The following GPC5 variants were observed in gnomAD, a reference collection of about 807,000 sequenced individuals.
GPC5 encodes glypican-5.
Under a neutral mutation model 53.9 loss-of-function variants are expected in GPC5, and 47 were observed. The observed-to-expected ratio is 0.87, with a 90% CI of 0.69 to 1.11. GPC5 has a LOEUF of 1.11. Among genes scored for constraint, GPC5 ranks in the 50% most tolerant of loss-of-function variants. The pLI, the probability that GPC5 is intolerant of heterozygous loss-of-function variation, is 0.00. For missense variants in GPC5, 748 were observed against 713.1 expected (o/e 1.05, Z -0.56); for synonymous variants, 286 against 263.3 (o/e 1.09, Z -0.84).
chr13:92,845,906 A>G (rs1878596716), intron 7 of GPC5, among the ~76,000 whole-genome samples: 1 of 152,176 alleles, frequency 6.6e-6, no homozygotes, highest in African/African-American at 2.4e-5. Flanking sequence ...TAACATTGTA[A>G]CCAAAATCAG....
At chr13:91,972,093 T>G (rs866645799) in intron 6 of GPC5, among the ~76,000 whole-genome samples, 3,545 of 152,092 alleles carry the variant, frequency 0.023, 133 homozygotes, top group African/African-American at 0.081. Context: ...ATTATTGTGT[T>G]GGAGTCTAAG....
chr13:91,892,498 A>C (rs960398326), intron 5 of GPC5, among the ~76,000 whole-genome samples: 1 of 151,708 alleles, frequency 6.6e-6, no homozygotes, highest in Admixed American at 6.6e-5. Flanking sequence ...TTCATTTTTG[A>C]TACACTTTAT....
At chr13:92,065,293 G>A (rs2041159301) in intron 6 of GPC5, among the ~76,000 whole-genome samples, 4 of 152,130 alleles carry the variant, frequency 2.6e-5, no homozygotes, top group Admixed American at 2.6e-4. Flanking sequence ...TCTGCAGAGA[G>A]CATAAATAAT....
At chr13:92,116,772 T>G (rs2041605104) in intron 6 of GPC5, among the ~76,000 whole-genome samples, 1 of 152,224 alleles carries the variant, frequency 6.6e-6, no homozygotes, top group Non-Finnish European at 1.5e-5. Context: ...TATCTCATTG[T>G]AATTTTAATT....
chr13:92,066,217 A>G (rs1221576742), intron 6 of GPC5, among the ~76,000 whole-genome samples: 1 of 152,058 alleles, frequency 6.6e-6, no homozygotes, highest in Non-Finnish European at 1.5e-5. Context: ...ATGCTAAAGG[A>G]CAAGGGCTGC....
At position 92,458,919 on chromosome 13, in the gene GPC5, C is replaced by T. The variant is rs142917862; in HGVS notation, c.1561+313930C>T. Among the ~76,000 whole-genome samples the T allele has an allele frequency of 2.4e-3, 362 of 152,230 alleles. 1 individual carries two copies. The highest frequency in any genetic ancestry group is 8.5e-3 in the African/African-American group (351 of 41,534). On this transcript the variant is annotated intron_variant, in intron 7 of 7. Transcript: ENST00000377067. ...TGCAACAATGCTTTTAAGCAACCCA[C>T]GTGCTTTGTGAGTGCCTACTTTGGA...
chr13:91,673,355 G>C (rs1278061025), intron 2 of GPC5, among the ~76,000 whole-genome samples: 1 of 152,078 alleles, frequency 6.6e-6, no homozygotes, highest in Non-Finnish European at 1.5e-5. Context: ...AAAAAATTTA[G>C]TTATTCTAGT....
chr13:91,968,389 G>A (rs562267633), intron 6 of GPC5, among the ~76,000 whole-genome samples: 2 of 152,092 alleles, frequency 1.3e-5, no homozygotes, highest in Non-Finnish European at 2.9e-5. Flanking sequence ...TATTTAAATT[G>A]CAACTCAACT....
At chr13:92,555,908 C>G (rs1349722411) in intron 7 of GPC5, among the ~76,000 whole-genome samples, 2 of 151,292 alleles carry the variant, frequency 1.3e-5, no homozygotes, top group South Asian at 2.1e-4. Flanking sequence ...AGTATTAACT[C>G]TGTAACATTA....
chr13:91,463,178 T>G (rs943706603), intron 2 of GPC5, among the ~76,000 whole-genome samples: 2 of 152,222 alleles, frequency 1.3e-5, no homozygotes, highest in East Asian at 1.9e-4. Flanking sequence ...CCCGTATACT[T>G]TAAATCATCT....
intron 2 of GPC5, among the ~76,000 whole-genome samples, chr13:91,588,027 T>C (rs934716352): frequency 1.3e-5 from 2 of 152,156 alleles, no homozygotes; most frequent in African/African-American, 4.8e-5. Flanking sequence ...TAGCTTCACA[T>C]TGAAACCACT....
intron 7 of GPC5, among the ~76,000 whole-genome samples, chr13:92,751,712 G>A (rs936854151): frequency 4.6e-5 from 7 of 151,560 alleles, no homozygotes; most frequent in Non-Finnish European, 7.4e-5. Context: ...AAACCTGCAC[G>A]TTGTGCACAT....
intron 6 of GPC5, among the ~76,000 whole-genome samples, chr13:92,060,485 C>T (rs887289116): frequency 6.6e-5 from 10 of 151,914 alleles, no homozygotes; most frequent in South Asian, 2.1e-4. Flanking sequence ...CTCAGAGAAA[C>T]GTATGTTGGT....
At chr13:92,489,295 C>A (rs971742394) in intron 7 of GPC5, among the ~76,000 whole-genome samples, 1 of 152,132 alleles carries the variant, frequency 6.6e-6, no homozygotes, top group Non-Finnish European at 1.5e-5. Context: ...TTAGTATGTG[C>A]AGGGCTATGT....
intron 7 of GPC5, among the ~76,000 whole-genome samples, chr13:92,663,727 A>T (rs118009579): frequency 1.6e-4 from 13 of 82,510 alleles, no homozygotes; most frequent in Non-Finnish European, 2.5e-4. Context: ...ATATCTACTA[A>T]ATATATCTAC....
chr13:92,861,700 G>A (rs375670999), intron 7 of GPC5, among the ~76,000 whole-genome samples: 1 of 151,928 alleles, frequency 6.6e-6, no homozygotes, highest in Non-Finnish European at 1.5e-5. Flanking sequence ...TGTACCAAAG[G>A]TTCTTTTCTT....
At chr13:91,999,341 A>C (rs1396457850) in intron 6 of GPC5, among the ~76,000 whole-genome samples, 1 of 152,156 alleles carries the variant, frequency 6.6e-6, no homozygotes, top group African/African-American at 2.4e-5. Context: ...AGGTAAAACT[A>C]TCTCTTCAAA....
chr13:91,678,378 A>G (rs533903543), intron 2 of GPC5, among the ~76,000 whole-genome samples: 1 of 152,332 alleles, frequency 6.6e-6, no homozygotes, highest in African/African-American at 2.4e-5. Flanking sequence ...ATGCATTTGT[A>G]TGATGGCTTG....
chr13:91,591,908 C>A (rs368370547), intron 2 of GPC5, among the ~76,000 whole-genome samples: 1 of 152,196 alleles, frequency 6.6e-6, no homozygotes, highest in Non-Finnish European at 1.5e-5. Context: ...AGCTTCCTTG[C>A]CATTCAGATT....
Sources: gnomAD v4.1 joint callset for allele counts (sites outside exome capture counted in the v4.1 genomes callset) on GRCh38, gnomAD v4.1.1 for gene constraint, MANE v1.5 for transcripts, NCBI Gene and HGNC (gene_info 2026-07-23, HGNC 2026-07-21) for gene names.